Variants in PACRG observed in about 807,000 individuals in gnomAD.
The protein encoded by PACRG is parkin coregulated gene protein.
A neutral mutation model predicts 29.7 loss-of-function variants in PACRG; 29 were observed. The observed-to-expected ratio is 0.98, with a 90% CI of 0.73 to 1.33. The LOEUF (loss-of-function observed/expected upper bound fraction) is 1.33. Among genes scored for constraint, PACRG ranks in the 40% most tolerant of loss-of-function variants. PACRG has a pLI of 0.00. For missense variants in PACRG, 279 were observed against 316.2 expected, an observed-to-expected ratio of 0.88 and a Z score of 0.89; for synonymous variants, 116 against 118.7, an observed-to-expected ratio of 0.98 and a Z score of 0.15.
intron 4 of PACRG, among the ~76,000 whole-genome samples, chr6:163,156,630 G>T (rs746255498): frequency 6.6e-6 from 1 of 152,138 alleles, no homozygotes; most frequent in Non-Finnish European, 1.5e-5. Context: ...AGAGTTGGGG[G>T]CCTAAAACAG....
chr6:162,885,402 TG>T (rs1256872664), intron 2 of PACRG, among the ~76,000 whole-genome samples: 2 of 152,082 alleles, frequency 1.3e-5, no homozygotes, highest in Non-Finnish European at 2.9e-5. Flanking sequence ...CCCAAGTAGC[TG>T]GGATTATAGG....
At chr6:163,151,304 T>G (rs1399508278) in intron 4 of PACRG, among the ~76,000 whole-genome samples, 1 of 152,186 alleles carries the variant, frequency 6.6e-6, no homozygotes, top group African/African-American at 2.4e-5. Context: ...GTTTAAAATC[T>G]TATGTTTTTT....
intron 1 of PACRG, among the ~76,000 whole-genome samples, chr6:162,801,513 C>G (rs954569055): frequency 3.3e-5 from 5 of 152,132 alleles, no homozygotes; most frequent in African/African-American, 1.2e-4. Context: ...CTGTGATCAT[C>G]AAAAGGCAAT....
chr6:162,853,136 C>T lies in PACRG; in HGVS notation c.291+38855C>T, dbSNP rs1469999334. On this transcript the variant is annotated intron_variant, in intron 2 of 4. Coordinates refer to ENST00000366888, the MANE Select transcript of PACRG (RefSeq NM_001080379.2). This position sits in a 1 kb window ranked among gnomAD's most constrained non-coding sequence, Gnocchi z 4.7. ...AAGGGGAGTAGAGAAAAGAGAACACCAGGGGCTTTCCTGAGCAGATCATCA... is the reference window on the plus strand; with the variant it reads ...AAGGGGAGTAGAGAAAAGAGAACACTAGGGGCTTTCCTGAGCAGATCATCA... Among the ~76,000 whole-genome samples the T allele has an allele frequency of 6.6e-6, 1 of 152,156 alleles. No homozygotes were observed. The highest frequency in any genetic ancestry group is 1.5e-5 in the Non-Finnish European group (1 of 68,032).
chr6:162,817,139 G>A (rs1285713943), intron 2 of PACRG, among the ~76,000 whole-genome samples: 1 of 152,200 alleles, frequency 6.6e-6, no homozygotes, highest in Non-Finnish European at 1.5e-5. Flanking sequence ...TGCACTGGCT[G>A]TAAACCCCGG....
At chr6:162,762,323 CAA>C (rs2128292774) in intron 1 of PACRG, among the ~76,000 whole-genome samples, 1 of 152,158 alleles carries the variant, frequency 6.6e-6, no homozygotes, top group Non-Finnish European at 1.5e-5. Context: ...TGAAAAAAGC[CAA>C]AGAGTTATGT....
At chr6:163,148,640 C>T (rs1423010376) in intron 4 of PACRG, among the ~76,000 whole-genome samples, 2 of 152,080 alleles carry the variant, frequency 1.3e-5, no homozygotes, top group South Asian at 2.1e-4. Flanking sequence ...TATGGAAAAT[C>T]GGTCCCAGTG....
chr6:163,221,989 A>G (rs754632047), intron 4 of PACRG, among the ~76,000 whole-genome samples: 13 of 152,196 alleles, frequency 8.5e-5, no homozygotes, highest in Non-Finnish European at 1.3e-4. Flanking sequence ...CACCCTGATC[A>G]CCTGGCGATA....
At chr6:162,791,826 C>A (rs1027104821) in intron 1 of PACRG, among the ~76,000 whole-genome samples, 1 of 152,156 alleles carries the variant, frequency 6.6e-6, no homozygotes, top group Admixed American at 6.5e-5. Context: ...TTAGAAGGGA[C>A]AAGTTCTAAT....
intron 4 of PACRG, among the ~76,000 whole-genome samples, chr6:163,269,549 C>T (rs950730109): frequency 6.6e-6 from 1 of 152,104 alleles, no homozygotes; most frequent in South Asian, 2.1e-4. Context: ...AGTAGGTTCT[C>T]TTTATGTTCC....
At chr6:162,778,678 AC>A (rs1411121384) in intron 1 of PACRG, among the ~76,000 whole-genome samples, 2 of 152,218 alleles carry the variant, frequency 1.3e-5, no homozygotes, top group African/African-American at 4.8e-5. Context: ...ACTTTCCCCA[AC>A]AAAAAGCATT....
chr6:162,970,407 T>A (rs1801428986), intron 2 of PACRG, among the ~76,000 whole-genome samples: 1 of 152,124 alleles, frequency 6.6e-6, no homozygotes, highest in Non-Finnish European at 1.5e-5. Flanking sequence ...GCTGACTGCA[T>A]TGAACGTGCC....
At chr6:162,741,685 C>T (rs1780613651) in intron 1 of PACRG, among the ~76,000 whole-genome samples, 1 of 152,140 alleles carries the variant, frequency 6.6e-6, no homozygotes, top group Non-Finnish European at 1.5e-5. Context: ...CAGTCAGTAT[C>T]AGGTAAGAGA....
intron 4 of PACRG, among the ~76,000 whole-genome samples, chr6:163,262,320 T>C (rs912842996): frequency 6.6e-6 from 1 of 152,208 alleles, no homozygotes; most frequent in African/African-American, 2.4e-5. Flanking sequence ...GCAATTAGCT[T>C]ATTTAAGAGG....
At chr6:162,824,822 C>T (rs974753361) in intron 2 of PACRG, among the ~76,000 whole-genome samples, 3 of 152,082 alleles carry the variant, frequency 2.0e-5, no homozygotes, top group Admixed American at 2.0e-4. Flanking sequence ...AGGAAGAAAC[C>T]GAAAGTCCTT....
intron 2 of PACRG, among the ~76,000 whole-genome samples, chr6:162,947,346 AT>A: frequency 5.9e-5 from 1 of 16,966 alleles, no homozygotes; most frequent in Admixed American, 7.4e-4. Flanking sequence ...ATATATAATG[AT>A]TACATATATA....
At chr6:163,065,434 A>C (rs932306658) in intron 3 of PACRG, among the ~76,000 whole-genome samples, 1 of 152,206 alleles carries the variant, frequency 6.6e-6, no homozygotes, top group African/African-American at 2.4e-5. Flanking sequence ...GAATCTCCGC[A>C]TACGAAATTC....
At chr6:163,053,456 C>T (rs1345144050) in intron 2 of PACRG, among the ~76,000 whole-genome samples, 1 of 152,040 alleles carries the variant, frequency 6.6e-6, no homozygotes, top group East Asian at 1.9e-4. Context: ...AAAAACAGAA[C>T]TGTTGCCAGA....
chr6:162,917,447 G>GT (rs915864284), intron 2 of PACRG, among the ~76,000 whole-genome samples: 3 of 152,184 alleles, frequency 2.0e-5, no homozygotes, highest in African/African-American at 7.2e-5. Flanking sequence ...TCTGCAGGAA[G>GT]TAGGGCTCTC....
Sources: allele counts gnomAD v4.1 joint callset (sites outside exome capture counted in the v4.1 genomes callset), GRCh38; gene constraint gnomAD v4.1.1; non-coding constraint Gnocchi (gnomAD v3.1); transcripts MANE v1.5; gene names NCBI Gene and HGNC (gene_info 2026-07-23, HGNC 2026-07-21).